The following DEFB124 variants were observed in gnomAD, a reference collection of about 807,000 sequenced individuals.
DEFB124 encodes beta-defensin 124.
For synonymous variants in DEFB124, 38 were observed against 36.5 expected, an observed-to-expected ratio of 1.04 and a Z score of -0.15; for missense variants, 78 against 83.1, an observed-to-expected ratio of 0.94 and a Z score of 0.24.
At chr20:31,473,114 G>A (rs1437929524) in intron 1 of DEFB124, 76 bp from the exon 2 acceptor site, 3 of 1,340,268 alleles carry the variant, frequency 2.2e-6, no homozygotes, top group African/African-American at 2.9e-5. Flanking sequence ...TTGAGCTGCA[G>A]ATGAAGGCAG....
intron 2 of DEFB124, among the ~76,000 whole-genome samples, chr20:31,467,994 C>G (rs1215757448): frequency 1.3e-5 from 2 of 152,142 alleles, no homozygotes; most frequent in Non-Finnish European, 2.9e-5. Context: ...CTCAAGTGAT[C>G]CTCTTGCCTT....
chr20:31,467,447 C>T (rs1053531515), intron 2 of DEFB124, among the ~76,000 whole-genome samples: 5 of 152,328 alleles, frequency 3.3e-5, no homozygotes, highest in South Asian at 2.1e-4. Context: ...GGGTCCAAAT[C>T]CCAGCTCAGT....
chr20:31,474,078 A>G (rs1161692800), intron 1 of DEFB124, among the ~76,000 whole-genome samples: 1 of 152,228 alleles, frequency 6.6e-6, no homozygotes, highest in Non-Finnish European at 1.5e-5. Flanking sequence ...TCTGCAGAGA[A>G]TAGGTTGGGG....
rs1600572359 is a variant in DEFB124 at position 31,474,902 on chromosome 20, C to A, written c.-301G>T. The stretch of plus-strand genomic sequence containing the variant: ...GGGCACTTGTTTAAAACGCAGATTC[C>A]CGAACCCCTCCCCCAGCACCGTGGA... On this transcript the variant is annotated 5_prime_UTR_variant, in exon 1 of 3. Transcript: ENST00000317676. Among the ~76,000 whole-genome samples, 1 of 152,196 alleles carries A rather than the reference C, an allele frequency of 6.6e-6. No homozygotes were observed. Among genetic ancestry groups the A allele is most frequent in the Non-Finnish European group, 1.5e-5 (1 of 68,036 alleles).
intron 2 of DEFB124, among the ~76,000 whole-genome samples, chr20:31,468,078 G>A (rs75235978): frequency 4.7e-4 from 71 of 152,200 alleles, no homozygotes; most frequent in Admixed American, 7.2e-4. Flanking sequence ...GCACATGACC[G>A]CATTTGAACT....
At chr20:31,474,404 G>C (rs1169794096) in intron 1 of DEFB124, among the ~76,000 whole-genome samples, 1 of 152,242 alleles carries the variant, frequency 6.6e-6, no homozygotes, top group African/African-American at 2.4e-5. Context: ...GGCTGAGCCA[G>C]TCTGTTCAGC....
intron 2 of DEFB124, among the ~76,000 whole-genome samples, chr20:31,470,045 C>T (rs1255769104): frequency 7.4e-6 from 1 of 135,514 alleles, no homozygotes; most frequent in Admixed American, 7.1e-5. Context: ...GCGCCCCTCA[C>T]CTCCCGGACG....
At chr20:31,469,897 C>T (rs578167652) in intron 2 of DEFB124, among the ~76,000 whole-genome samples, 995 of 146,646 alleles carry the variant, frequency 6.8e-3, no homozygotes, top group Non-Finnish European at 0.011. Flanking sequence ...TTTTCCCCAC[C>T]TTTCCTCCCT....
chr20:31,470,604 T>C (rs1419669282), intron 2 of DEFB124, among the ~76,000 whole-genome samples: 2 of 59,158 alleles, frequency 3.4e-5, no homozygotes, highest in African/African-American at 1.2e-4. Flanking sequence ...GGCGGGGGGC[T>C]GACCCCCCCC....
chr20:31,470,435 C>T (rs1452943223), intron 2 of DEFB124, among the ~76,000 whole-genome samples: 23 of 134,954 alleles, frequency 1.7e-4, no homozygotes, highest in South Asian at 4.7e-4. Flanking sequence ...GGGGGCTGAG[C>T]CCCCCACCTC....
intron 1 of DEFB124, 114 bp from the exon 2 acceptor site, chr20:31,473,152 G>A: frequency 1.1e-6 from 1 of 889,168 alleles, no homozygotes; most frequent in East Asian, 2.5e-5. Flanking sequence ...CTAAGTGGGA[G>A]TATGAGGCCA....
intron 2 of DEFB124, among the ~76,000 whole-genome samples, chr20:31,471,535 A>G (rs868170381): frequency 0.11 from 12,127 of 111,814 alleles, 884 homozygotes; most frequent in African/African-American, 0.17. Context: ...CTGGCCGGGC[A>G]GGAGGCTGAT....
chr20:31,466,493 G>A (rs937136890), intron 2 of DEFB124, among the ~76,000 whole-genome samples: 25 of 151,684 alleles, frequency 1.6e-4, no homozygotes, highest in African/African-American at 3.2e-4. Context: ...CCAGCCACTC[G>A]GGGGGCTGAG....
Position 31,474,647 on chromosome 20 carries a change from A to G in DEFB124, c.-46T>C, listed in dbSNP as rs1485645627. ...CATACCTGGGAGCATTTTTTTTTTC[A>G]GCCATCAGTAATAGAAACAGTAGAC... On this transcript the variant is annotated 5_prime_UTR_variant, in exon 1 of 3. Transcript: ENST00000317676. 1.3e-5 allele frequency among the ~76,000 whole-genome samples: 2 copies of G among 151,488 alleles called. No homozygotes were observed. Among genetic ancestry groups the G allele is most frequent in the African/African-American group, 2.4e-5 (1 of 41,240 alleles).
At chr20:31,470,051 G>A (rs1280457687) in intron 2 of DEFB124, among the ~76,000 whole-genome samples, 5 of 134,898 alleles carry the variant, frequency 3.7e-5, no homozygotes, top group South Asian at 2.2e-4. Context: ...CTCACCTCCC[G>A]GACGGGGCGG....
chr20:31,472,524 C>T (rs1296086215), intron 2 of DEFB124: 1 of 158,774 alleles, frequency 6.3e-6, no homozygotes, highest in Non-Finnish European at 1.4e-5. Context: ...TCCTCATCAG[C>T]CTTCCCATCC....
At chr20:31,470,263 C>T (rs1393580723) in intron 2 of DEFB124, among the ~76,000 whole-genome samples, 2 of 141,936 alleles carry the variant, frequency 1.4e-5, no homozygotes, top group Non-Finnish European at 3.1e-5. Flanking sequence ...GCTGACCCCC[C>T]CACCTCCCTC....
chr20:31,470,595 GCGGGGGGC>G (rs1980230797), intron 2 of DEFB124, among the ~76,000 whole-genome samples: 3 of 115,932 alleles, frequency 2.6e-5, no homozygotes, highest in African/African-American at 8.2e-5. Flanking sequence ...GGCTGGCCGG[GCGGGGGGC>G]TGACCCCCCC....
chr20:31,472,466 A>AGGGGAGC (rs1980360381), intron 2 of DEFB124: 5 of 151,706 alleles, frequency 3.3e-5, no homozygotes, highest in African/African-American at 1.2e-4. Flanking sequence ...GAGAGGGGAG[A>AGGGGAGC]GGGGAGAGGC....
Sources: allele counts gnomAD v4.1 joint callset (sites outside exome capture counted in the v4.1 genomes callset), GRCh38; gene constraint gnomAD v4.1.1; transcripts MANE v1.5; gene names NCBI Gene and HGNC (gene_info 2026-07-23, HGNC 2026-07-21).